TXNRD1: variants seen among roughly 807,000 people sequenced by gnomAD.
The protein encoded by TXNRD1 is thioredoxin reductase 1, cytoplasmic.
TXNRD1 carries 57 observed loss-of-function variants against 80.3 expected under a neutral mutation model. The ratio of observed to expected loss-of-function variants is 0.71; its 90% CI spans 0.57 to 0.89. The LOEUF (loss-of-function observed/expected upper bound fraction) is 0.89, where lower values mean the gene tolerates loss of function less well. TXNRD1 is among the 40% of genes least tolerant of loss of function. TXNRD1 has a pLI of 0.00. For missense variants in TXNRD1, 730 were observed against 803.0 expected (o/e 0.91, Z 1.10); for synonymous variants, 291 against 285.2 (o/e 1.02, Z -0.20).
At chr12:104,252,655 TTATTTTTTATATA>T (rs1258264701) in intron 2 of TXNRD1, among the ~76,000 whole-genome samples, 4 of 21,376 alleles carry the variant, frequency 1.9e-4, no homozygotes, top group African/African-American at 8.8e-4. Flanking sequence ...GGTTAATTTA[TTATTTTTTATATA>T]TATATATATA....
rs2035945903 is a variant in TXNRD1, at chr12:104,331,516, A to G, written c.1543-18A>G. 3 of 1,545,496 alleles carry G rather than the reference A, an allele frequency of 1.9e-6. No homozygotes were observed. Among genetic ancestry groups the G allele is most frequent in the East Asian group, 4.5e-5 (2 of 44,356 alleles). On this transcript the variant is annotated intron_variant, in intron 13 of 16. Transcript: ENST00000525566. ...ATAACTTTGCCTATTATAACTCCTTACCTCCATTTTTAAACAGTGTGACTA... is the reference window on the plus strand; with the variant it reads ...ATAACTTTGCCTATTATAACTCCTTGCCTCCATTTTTAAACAGTGTGACTA...
chr12:104,260,806 C>T (rs1411071336), intron 3 of TXNRD1, among the ~76,000 whole-genome samples: 1 of 152,118 alleles, frequency 6.6e-6, no homozygotes, highest in Non-Finnish European at 1.5e-5. Flanking sequence ...CCAAACGGAA[C>T]AATAACCAAA....
At chr12:104,318,808 C>A in intron 7 of TXNRD1, 105 bp from the exon 8 acceptor site, 1 of 1,261,634 alleles carries the variant, frequency 7.9e-7, no homozygotes, top group Non-Finnish European at 1.1e-6. Context: ...TTCAGATTGC[C>A]TTTTAGAGCT....
At chr12:104,332,961 G>A (rs926482841) in intron 14 of TXNRD1, among the ~76,000 whole-genome samples, 1 of 151,504 alleles carries the variant, frequency 6.6e-6, no homozygotes, top group African/African-American at 2.4e-5. Context: ...GTGTGAGTAT[G>A]TATGTCTTAA....
intron 3 of TXNRD1, among the ~76,000 whole-genome samples, chr12:104,273,719 G>A (rs1370317916): frequency 1.3e-5 from 2 of 152,240 alleles, no homozygotes; most frequent in Admixed American, 6.5e-5. Flanking sequence ...CTGCAGGCCA[G>A]CGCCATCCTG....
intron 1 of TXNRD1, among the ~76,000 whole-genome samples, chr12:104,239,805 G>T (rs560906716): frequency 3.9e-5 from 6 of 152,006 alleles, no homozygotes; most frequent in Non-Finnish European, 8.8e-5. Context: ...GACTCAGTTT[G>T]GGTAATCATG....
intron 1 of TXNRD1, among the ~76,000 whole-genome samples, chr12:104,227,245 AT>A (rs932392635): frequency 7.9e-5 from 12 of 151,808 alleles, no homozygotes; most frequent in Non-Finnish European, 1.0e-4. Flanking sequence ...TGTCCTTTTA[AT>A]TTTTTATTAT....
intron 10 of TXNRD1, 123 bp downstream of exon 10, chr12:104,321,439 A>C (rs1272386285): frequency 1.4e-6 from 1 of 702,786 alleles, no homozygotes; most frequent in Non-Finnish European, 2.4e-6. Flanking sequence ...TGATTCCCCT[A>C]CTGTTGTATA....
chr12:104,289,128 A>G, intron 4 of TXNRD1, 88 bp downstream of exon 4: 1 of 1,480,126 alleles, frequency 6.8e-7, no homozygotes. Context: ...GCCAGCGTGG[A>G]TGTGACCCTC....
At chr12:104,235,455 A>G (rs1244548211) in intron 1 of TXNRD1, among the ~76,000 whole-genome samples, 3 of 152,320 alleles carry the variant, frequency 2.0e-5, no homozygotes, top group African/African-American at 7.2e-5. Flanking sequence ...CAGAACCTTT[A>G]AAGAAGAACT....
At chr12:104,276,495 A>C (rs2033760822) in intron 3 of TXNRD1, 1 of 152,100 alleles carries the variant, frequency 6.6e-6, no homozygotes, top group Admixed American at 6.6e-5. Context: ...GGAGTATTCA[A>C]CTCCAGAAAT....
intron 1 of TXNRD1, among the ~76,000 whole-genome samples, chr12:104,228,876 C>A (rs978943406): frequency 6.6e-6 from 1 of 151,560 alleles, no homozygotes; most frequent in Non-Finnish European, 1.5e-5. Flanking sequence ...CCCGCCACCA[C>A]ACCTGGCTAA....
At chr12:104,261,180 T>G (rs941771593) in intron 3 of TXNRD1, among the ~76,000 whole-genome samples, 4 of 152,016 alleles carry the variant, frequency 2.6e-5, no homozygotes, top group African/African-American at 9.7e-5. Context: ...TTTTTTTAAT[T>G]GAGATGGAGT....
intron 15 of TXNRD1, among the ~76,000 whole-genome samples, chr12:104,337,569 A>G (rs1378337218): frequency 6.6e-6 from 1 of 151,898 alleles, no homozygotes; most frequent in Non-Finnish European, 1.5e-5. Context: ...AAATGTTTTC[A>G]GACTTTGCTG....
At chr12:104,274,007 G>A (rs1278438305) in intron 3 of TXNRD1, among the ~76,000 whole-genome samples, 3 of 152,060 alleles carry the variant, frequency 2.0e-5, no homozygotes, top group Non-Finnish European at 4.4e-5. Context: ...AGCCGAGATA[G>A]TGACACTGCA....
At chr12:104,234,571 G>T (rs552927653) in intron 1 of TXNRD1, among the ~76,000 whole-genome samples, 44 of 150,476 alleles carry the variant, frequency 2.9e-4, no homozygotes, top group Non-Finnish European at 6.0e-4. Context: ...TGGGATTACA[G>T]GTGTGAGCCA....
intron 3 of TXNRD1, among the ~76,000 whole-genome samples, chr12:104,275,850 T>C (rs763364280): frequency 6.6e-6 from 1 of 152,242 alleles, no homozygotes; most frequent in Non-Finnish European, 1.5e-5. Flanking sequence ...ATTGAGTCTT[T>C]TACATCTATT....
At chr12:104,305,623 G>T (rs142912137) in intron 4 of TXNRD1, among the ~76,000 whole-genome samples, 1 of 152,184 alleles carries the variant, frequency 6.6e-6, no homozygotes, top group Non-Finnish European at 1.5e-5. Context: ...AGTTAGGCAC[G>T]AGAGGACCAT....
At chr12:104,257,852 T>C (rs544460728) in intron 2 of TXNRD1, among the ~76,000 whole-genome samples, 167 bp from the exon 3 acceptor site, 9 of 152,328 alleles carry the variant, frequency 5.9e-5, no homozygotes, top group African/African-American at 2.2e-4. Flanking sequence ...CTTGTAAATA[T>C]CATTTCTGTC....
Sources: allele counts gnomAD v4.1 joint callset (sites outside exome capture counted in the v4.1 genomes callset), GRCh38; gene constraint gnomAD v4.1.1; transcripts MANE v1.5; gene names NCBI Gene and HGNC (gene_info 2026-07-23, HGNC 2026-07-21).